The following SCOC variants were observed in gnomAD, a reference collection of about 807,000 sequenced individuals.
SCOC encodes the protein short coiled-coil protein.
In SCOC, 7 loss-of-function variants were observed where a neutral mutation model predicts 9.9. The ratio of observed to expected loss-of-function variants is 0.71; its 90% CI spans 0.40 to 1.33. SCOC has a LOEUF of 1.33. SCOC is among the 40% of genes most tolerant of loss of function. SCOC has a pLI of 0.01. For synonymous variants in SCOC, 19 were observed against 28.2 expected (o/e 0.67, Z 1.03); for missense variants, 66 against 89.7 (o/e 0.74, Z 1.07).
At chr4:140,339,975 C>T (rs1726438094), upstream of SCOC, among the ~76,000 whole-genome samples, 1 of 152,218 alleles carries the variant, frequency 6.6e-6, no homozygotes. Context: ...GATTACAAAT[C>T]ATGCTGCTAT....
At chr4:140,298,918 C>A (rs1318032996) in intron 1 of SCOC, among the ~76,000 whole-genome samples, 2 of 152,154 alleles carry the variant, frequency 1.3e-5, no homozygotes, top group Non-Finnish European at 2.9e-5. Flanking sequence ...TGGGGCCAAG[C>A]GATCCTCCCA....
intron 1 of SCOC, among the ~76,000 whole-genome samples, chr4:140,276,103 C>T (rs930509115): frequency 6.6e-6 from 1 of 151,920 alleles, no homozygotes; most frequent in South Asian, 2.1e-4. Context: ...CCTGGGTTCA[C>T]GCCATTCTCC....
intron 1 of SCOC, among the ~76,000 whole-genome samples, chr4:140,295,092 A>G (rs1731584184): frequency 6.6e-6 from 1 of 152,230 alleles, no homozygotes; most frequent in Admixed American, 6.5e-5. Flanking sequence ...TTAATTTCAA[A>G]GTAAAAAATA....
At chr4:140,263,831 C>T (rs1455384675) in intron 1 of SCOC, among the ~76,000 whole-genome samples, 3 of 152,092 alleles carry the variant, frequency 2.0e-5, no homozygotes, top group Admixed American at 6.5e-5. Context: ...CTGTGGAAAC[C>T]GTGTTGCTGG....
chr4:140,362,090 T>G (rs1727498994), intron 2 of SCOC, among the ~76,000 whole-genome samples: 1 of 114,282 alleles, frequency 8.8e-6, no homozygotes, highest in Non-Finnish European at 1.9e-5. Flanking sequence ...TATCCCTTAG[T>G]AGCAAGGCTT....
chr4:140,314,112 TAAAAAA>T (rs369473232), intron 1 of SCOC: 2 of 141,240 alleles, frequency 1.4e-5, no homozygotes, highest in Admixed American at 1.4e-4. Flanking sequence ...AGACCCTGTT[TAAAAAA>T]AAAAAAAAAA....
intron 2 of SCOC, among the ~76,000 whole-genome samples, chr4:140,352,959 C>CT (rs374144516): frequency 2.7e-4 from 41 of 152,292 alleles, no homozygotes; most frequent in African/African-American, 9.6e-4. Context: ...AGCTCATGAG[C>CT]TAATAAGATG....
At chr4:140,263,137 T>C (rs1413455543) in intron 1 of SCOC, among the ~76,000 whole-genome samples, 2 of 152,212 alleles carry the variant, frequency 1.3e-5, no homozygotes, top group South Asian at 4.1e-4. Context: ...CATTTGCATC[T>C]CTTTAAACTA....
intron 1 of SCOC, among the ~76,000 whole-genome samples, chr4:140,268,570 C>G (rs1422790176): frequency 6.6e-6 from 1 of 152,144 alleles, no homozygotes; most frequent in Non-Finnish European, 1.5e-5. Flanking sequence ...TGGATAATCA[C>G]AGAGAGTAAT....
chr4:140,343,601 C>T, intron 1 of SCOC: 3 of 1,550,572 alleles, frequency 1.9e-6, no homozygotes, highest in Non-Finnish European at 2.7e-6. Context: ...TTTCTCTGCC[C>T]TCATTTTTCT....
chr4:140,358,476 A>G (rs1169338859), intron 2 of SCOC, among the ~76,000 whole-genome samples: 1 of 152,200 alleles, frequency 6.6e-6, no homozygotes, highest in Non-Finnish European at 1.5e-5. Context: ...ACATTGGGCA[A>G]ATTATTTAAC....
intron 1 of SCOC, among the ~76,000 whole-genome samples, chr4:140,301,977 G>A (rs9993382): frequency 0.025 from 3,783 of 152,096 alleles, 149 homozygotes; most frequent in African/African-American, 0.087. Flanking sequence ...GGGACCACAG[G>A]CGCATGCCAC....
At chr4:140,376,085 T>G (rs1307498569) in intron 1 of SCOC, among the ~76,000 whole-genome samples, 2 of 152,212 alleles carry the variant, frequency 1.3e-5, no homozygotes, top group African/African-American at 4.8e-5. Flanking sequence ...AAGGATTTTA[T>G]AGTTGAAAAA....
upstream of SCOC, among the ~76,000 whole-genome samples, chr4:140,370,500 T>C (rs905372000): frequency 6.6e-6 from 1 of 152,208 alleles, no homozygotes; most frequent in African/African-American, 2.4e-5. Context: ...AAGACTGTAA[T>C]TTATTCTGAG....
intron 1 of SCOC, among the ~76,000 whole-genome samples, chr4:140,299,847 A>G (rs1683847559): frequency 2.0e-5 from 3 of 152,064 alleles, no homozygotes; most frequent in African/African-American, 7.2e-5. Context: ...AACGATGCTT[A>G]TTTTCCACCC....
Position 140,314,071 on chromosome 4 carries a change from G to T in SCOC, c.-18-29550G>T, listed in dbSNP as rs1025856823. On this transcript the variant is annotated intron_variant, in intron 1 of 4. Coordinates refer to the SCOC transcript ENST00000394205. ...TTGAACCAGGAGGTGCAGAGACTGCGCCACTGTACTCCAGCCTGGGTGACA... is the reference window on the plus strand; with the variant it reads ...TTGAACCAGGAGGTGCAGAGACTGCTCCACTGTACTCCAGCCTGGGTGACA... 5.3e-5 allele frequency: 8 copies of T among 150,638 alleles called. No homozygotes were observed. The South Asian group carries it at 1.0e-3, about 19-fold the overall frequency. 9.3% of individuals were successfully genotyped at this position (150,638 alleles called of 1,614,324 possible).
intron 1 of SCOC, among the ~76,000 whole-genome samples, chr4:140,317,576 G>A (rs188829778): frequency 4.1e-4 from 62 of 149,948 alleles, no homozygotes; most frequent in African/African-American, 1.5e-3. Context: ...GGGGAGCTCA[G>A]TTTTTGAGAC....
intron 2 of SCOC, chr4:140,360,828 T>C (rs557673771): frequency 6.6e-6 from 1 of 152,334 alleles, no homozygotes; most frequent in East Asian, 1.9e-4. Flanking sequence ...TCAGATTCAA[T>C]ATTTTAATAA....
chr4:140,307,579 C>T (rs1578794058), intron 1 of SCOC, among the ~76,000 whole-genome samples: 1 of 152,184 alleles, frequency 6.6e-6, no homozygotes, highest in Non-Finnish European at 1.5e-5. Context: ...TTACAAAGAT[C>T]CTCTATTGTT....
Sources: allele counts gnomAD v4.1 joint callset (sites outside exome capture counted in the v4.1 genomes callset), GRCh38; gene constraint gnomAD v4.1.1; transcripts MANE v1.5; gene names NCBI Gene and HGNC (gene_info 2026-07-23, HGNC 2026-07-21).